The following ENOPH1 variants were observed in gnomAD, a reference collection of about 807,000 sequenced individuals.
ENOPH1 encodes enolase-phosphatase 1.
ENOPH1 carries 14 observed loss-of-function variants against 31.1 expected under a neutral mutation model. That is an observed-to-expected ratio of 0.45 (90% CI 0.30 to 0.70). The LOEUF is 0.70. ENOPH1 is among the 30% of genes least tolerant of loss of function. The pLI is 0.09. For missense variants in ENOPH1, 243 were observed against 321.5 expected (o/e 0.76, Z 1.87); for synonymous variants, 127 against 123.2 (o/e 1.03, Z -0.21).
At chr4:82,436,814 A>G (rs1298337836) in intron 1 of ENOPH1, among the ~76,000 whole-genome samples, 1 of 152,050 alleles carries the variant, frequency 6.6e-6, no homozygotes, top group Non-Finnish European at 1.5e-5. Context: ...TGAGCCTTAG[A>G]CAATCTGCTC....
At chr4:82,459,485 G>A (rs1394491462) in intron 5 of ENOPH1, among the ~76,000 whole-genome samples, 1 of 152,108 alleles carries the variant, frequency 6.6e-6, no homozygotes. Flanking sequence ...TAGAGATAGA[G>A]TTTCACCATG....
rs1240958979 is a variant in ENOPH1, at chr4:82,460,550, C to T, written c.*430C>T. 1 of 153,656 alleles carries T rather than the reference C, an allele frequency of 6.5e-6. No homozygotes were observed. The highest frequency in any genetic ancestry group is 2.4e-5 in the African/African-American group (1 of 41,426). 9.5% of individuals were successfully genotyped at this position (153,656 alleles called of 1,614,324 possible). A position where few individuals can be genotyped will look rare whatever the true frequency, so the allele number is the denominator to read the frequency against. On this transcript the variant is annotated 3_prime_UTR_variant, in exon 6 of 6. Coordinates refer to ENST00000273920, the MANE Select transcript of ENOPH1 (RefSeq NM_021204.5). ...TTCAAAGAAAATGAATAATTCATTG[C>T]CCTTGTGATTTAGAAGATTATAACA... is the stretch of plus-strand genomic sequence containing the variant.
At chr4:82,455,753 T>C (rs1722473182) in intron 4 of ENOPH1, among the ~76,000 whole-genome samples, 1 of 151,620 alleles carries the variant, frequency 6.6e-6, no homozygotes, top group African/African-American at 2.4e-5. Flanking sequence ...GCCACTGCAC[T>C]CCAGCCTGGG....
intron 1 of ENOPH1, 121 bp downstream of exon 1, chr4:82,431,034 T>G: frequency 2.4e-6 from 2 of 839,252 alleles, no homozygotes; most frequent in Non-Finnish European, 1.9e-6. Flanking sequence ...CTGCCTCTTG[T>G]GTGGAATGGG....
At chr4:82,447,081 G>A (rs1722214201) in intron 1 of ENOPH1, among the ~76,000 whole-genome samples, 1 of 151,566 alleles carries the variant, frequency 6.6e-6, no homozygotes, top group African/African-American at 2.4e-5. Flanking sequence ...TGCCTCCCAG[G>A]TTCAAGCGAT....
intron 4 of ENOPH1, among the ~76,000 whole-genome samples, chr4:82,456,681 A>G (rs1722499243): frequency 6.6e-6 from 1 of 152,222 alleles, no homozygotes; most frequent in South Asian, 2.1e-4. Context: ...AAAACCAGGT[A>G]GATTATGAAA....
At chr4:82,431,196 G>A (rs1403885945) in intron 1 of ENOPH1, among the ~76,000 whole-genome samples, 2 of 152,220 alleles carry the variant, frequency 1.3e-5, no homozygotes, top group African/African-American at 4.8e-5. Context: ...AGGTAAGCCG[G>A]GGCGGGGTGT....
At chr4:82,443,450 T>G (rs1453273522) in intron 1 of ENOPH1, among the ~76,000 whole-genome samples, 1 of 150,844 alleles carries the variant, frequency 6.6e-6, no homozygotes, top group Non-Finnish European at 1.5e-5. Flanking sequence ...CAATGGGGGC[T>G]GGGCGCGGTG....
At chr4:82,447,857 G>C in intron 1 of ENOPH1, 63 bp from the exon 2 acceptor site, 3 of 968,880 alleles carry the variant, frequency 3.1e-6, no homozygotes, top group Non-Finnish European at 4.6e-6. Context: ...GATTGTGGAA[G>C]AACTGGATCT....
intron 4 of ENOPH1, among the ~76,000 whole-genome samples, chr4:82,455,477 T>C (rs1722460601): frequency 6.6e-6 from 1 of 152,268 alleles, no homozygotes; most frequent in South Asian, 2.1e-4. Flanking sequence ...GACCAGATAC[T>C]TTTTAAAAAT....
In ENOPH1 at chr4:82,461,039, G is replaced by A. The variant is rs1487202489; in HGVS notation, c.*919G>A. The A allele has an allele frequency of 4.6e-5, 7 of 152,090 alleles. No individual in the cohort carries two copies. Among genetic ancestry groups the A allele is most frequent in the South Asian group, 2.1e-4 (1 of 4,830 alleles). 9.4% of individuals were successfully genotyped at this position (152,090 alleles called of 1,614,324 possible). The stretch of plus-strand genomic sequence containing the variant: ...ATTTATCCTGGTTTAATTCTAATAC[G>A]ATGTCATGTTAATTTCATGTTGTGA... On this transcript the variant is annotated 3_prime_UTR_variant, in exon 6 of 6. Transcript: ENST00000273920.
intron 4 of ENOPH1, 76 bp downstream of exon 4, chr4:82,454,930 G>T: frequency 7.2e-7 from 1 of 1,387,566 alleles, no homozygotes; most frequent in Non-Finnish European, 9.7e-7. Context: ...AAAACTAATT[G>T]GAACTAATAG....
chr4:82,447,319 A>G (rs1722221293), intron 1 of ENOPH1, among the ~76,000 whole-genome samples: 1 of 152,188 alleles, frequency 6.6e-6, no homozygotes, highest in African/African-American at 2.4e-5. Flanking sequence ...CTCCAAAGGT[A>G]GTCTAGTTAC....
chr4:82,442,204 T>C (rs1722058189), intron 1 of ENOPH1, among the ~76,000 whole-genome samples: 1 of 152,226 alleles, frequency 6.6e-6, no homozygotes, highest in African/African-American at 2.4e-5. Flanking sequence ...TATTTGTCTT[T>C]GTAGGGGGTG....
At chr4:82,446,127 A>T (rs1029365993) in intron 1 of ENOPH1, among the ~76,000 whole-genome samples, 1 of 152,122 alleles carries the variant, frequency 6.6e-6, no homozygotes, top group African/African-American at 2.4e-5. Context: ...GAATATGTTA[A>T]GAATATATCA....
chr4:82,454,050 TA>T (rs34247093), intron 3 of ENOPH1, among the ~76,000 whole-genome samples: 117,580 of 134,902 alleles, frequency 0.87, 51,025 homozygotes, highest in East Asian at 0.98. Flanking sequence ...TACAAAAAAT[TA>T]AAAAAAAAAA....
At chr4:82,445,507 G>A (rs904594061) in intron 1 of ENOPH1, among the ~76,000 whole-genome samples, 2 of 152,150 alleles carry the variant, frequency 1.3e-5, no homozygotes, top group African/African-American at 4.8e-5. Flanking sequence ...CCAGGGTGGA[G>A]TGCAGTGGTG....
At chr4:82,455,238 T>C (rs559029930) in intron 4 of ENOPH1, among the ~76,000 whole-genome samples, 12 of 152,188 alleles carry the variant, frequency 7.9e-5, no homozygotes, top group Non-Finnish European at 1.3e-4. Context: ...CATTTTTAAA[T>C]GTAATAAGGT....
At chr4:82,448,631 G>A (rs1722260578) in intron 2 of ENOPH1, among the ~76,000 whole-genome samples, 1 of 151,280 alleles carries the variant, frequency 6.6e-6, no homozygotes, top group Admixed American at 6.6e-5. Flanking sequence ...CTAGAAAAAG[G>A]CAACTCTAGG....
Sources: allele counts gnomAD v4.1 joint callset (sites outside exome capture counted in the v4.1 genomes callset), GRCh38; gene constraint gnomAD v4.1.1; transcripts MANE v1.5; gene names NCBI Gene and HGNC (gene_info 2026-07-23, HGNC 2026-07-21).